Variants in CSNK2A2 observed in about 807,000 individuals in gnomAD.
CSNK2A2 encodes the protein casein kinase 2 alpha 2.
Under a neutral mutation model 54.0 loss-of-function variants are expected in CSNK2A2, and 8 were observed. That is an observed-to-expected ratio of 0.15 (90% confidence interval 0.09 to 0.27). The LOEUF (loss-of-function observed/expected upper bound fraction) is 0.27. Among genes scored for constraint, CSNK2A2 ranks in the 10% least tolerant of loss-of-function variants. The pLI is 1.00. For missense variants in CSNK2A2, 242 were observed against 439.4 expected (o/e 0.55, Z 4.02); for synonymous variants, 141 against 153.9 (o/e 0.92, Z 0.62).
chr16:58,179,261 A>G (rs1372167960), intron 4 of CSNK2A2, among the ~76,000 whole-genome samples: 1 of 152,148 alleles, frequency 6.6e-6, no homozygotes, highest in Non-Finnish European at 1.5e-5. Context: ...GCACTTTGGG[A>G]GGCCAAGGTG....
intron 6 of CSNK2A2, among the ~76,000 whole-genome samples, chr16:58,168,154 G>C (rs1253736093): frequency 6.6e-6 from 1 of 151,918 alleles, no homozygotes; most frequent in Non-Finnish European, 1.5e-5. Flanking sequence ...GAAAGGGCTG[G>C]GGACACACAT....
chr16:58,197,741 G>T lies in CSNK2A2; in HGVS notation c.-5C>A. On this transcript the variant is annotated 5_prime_UTR_variant, in exon 1 of 12. Coordinates refer to ENST00000262506, the MANE Select transcript of CSNK2A2 (RefSeq NM_001896.4). The surrounding 1 kb of genome is among the most constrained non-coding windows in gnomAD (Gnocchi z 4.0). ...GCCCGCGGCCGGGCCGGGCATGGCG[G>T]GCGGGACCGGGGGGCGGCGCGGGGC... 1 of 1,337,412 alleles carries T rather than the reference G, an allele frequency of 7.5e-7. No homozygotes were observed. 82.8% of individuals were successfully genotyped at this position (1,337,412 alleles called of 1,614,324 possible). A position where few individuals can be genotyped will look rare whatever the true frequency, so the allele number is the denominator to read the frequency against.
intron 4 of CSNK2A2, among the ~76,000 whole-genome samples, chr16:58,177,856 G>A (rs1961922121): frequency 6.6e-6 from 1 of 152,148 alleles, no homozygotes; most frequent in Admixed American, 6.5e-5. Flanking sequence ...TTGTTTACAT[G>A]TAACCTCTAA....
At chr16:58,166,120 A>G (rs1275849893) in intron 9 of CSNK2A2, among the ~76,000 whole-genome samples, 2 of 152,220 alleles carry the variant, frequency 1.3e-5, no homozygotes, top group African/African-American at 4.8e-5. Context: ...TTACTTCTCA[A>G]CATTATTGCA....
chr16:58,175,646 T>C (rs1961857804), intron 4 of CSNK2A2, among the ~76,000 whole-genome samples: 1 of 152,234 alleles, frequency 6.6e-6, no homozygotes. Context: ...CTGTCTACCA[T>C]TTTATATTTT....
chr16:58,194,261 C>T (rs780993057), intron 2 of CSNK2A2, among the ~76,000 whole-genome samples: 1 of 152,200 alleles, frequency 6.6e-6, no homozygotes, highest in Non-Finnish European at 1.5e-5. Context: ...TTTCCTATGA[C>T]CAAGCACCAC....
At chr16:58,159,421 A>C (rs984782959) in intron 11 of CSNK2A2, 3 of 152,218 alleles carry the variant, frequency 2.0e-5, no homozygotes, top group Non-Finnish European at 4.4e-5. Flanking sequence ...CCAACAGGAC[A>C]CCACTCTAGC....
intron 2 of CSNK2A2, among the ~76,000 whole-genome samples, chr16:58,188,408 A>T (rs576076178): frequency 2.2e-4 from 34 of 152,344 alleles, no homozygotes; most frequent in Admixed American, 7.2e-4. Flanking sequence ...CAATCTGATT[A>T]AAAAATAGCC....
chr16:58,167,430 A>G, intron 7 of CSNK2A2, 122 bp from the exon 8 acceptor site: 2 of 699,074 alleles, frequency 2.9e-6, no homozygotes, highest in South Asian at 5.4e-5. Context: ...AATTTATTTA[A>G]AAAAAATTTT....
Position 58,197,803 on chromosome 16 carries a change from G to A in CSNK2A2, c.-67C>T, listed in dbSNP as rs905429545. 4.8e-4 allele frequency: 172 copies of A among 359,604 alleles called. No homozygotes were observed. The highest frequency in any genetic ancestry group is 3.8e-3 in the African/African-American group (165 of 43,842). 22.3% of individuals were successfully genotyped at this position (359,604 alleles called of 1,614,324 possible). ...CGGCGGCGGCGCGGCGGGGGACGCG[G>A]GGCGTCGGGCGGAGGAGGCAGCGGG... is the stretch of plus-strand genomic sequence containing the variant. On this transcript the variant is annotated 5_prime_UTR_variant, in exon 1 of 12. Coordinates refer to ENST00000262506, the MANE Select transcript of CSNK2A2 (RefSeq NM_001896.4). This position sits in a 1 kb window ranked among gnomAD's most constrained non-coding sequence, Gnocchi z 4.0.
At chr16:58,167,548 G>GA (rs1961602812) in intron 7 of CSNK2A2, 137 bp downstream of exon 7, 1 of 698,130 alleles carries the variant, frequency 1.4e-6, no homozygotes, top group African/African-American at 1.8e-5. Flanking sequence ...AACTAGCTGA[G>GA]AAAAAACTAA....
At position 58,172,255 on chromosome 16, in the gene CSNK2A2, C is replaced by T. The variant is rs915772611; in HGVS notation, c.429+2196G>A. ...ATACACAAACATCCAAAAGACTGTA[C>T]GTTTAAGATTTATTTACTTCACTTA... On this transcript the variant is annotated intron_variant, in intron 5 of 11. Transcript: ENST00000262506. Among the ~76,000 whole-genome samples, 7 of 151,962 alleles carry T rather than the reference C, an allele frequency of 4.6e-5. No individual in the cohort carries two copies. The East Asian group carries it at 9.6e-4, about 21-fold the overall frequency.
intron 2 of CSNK2A2, among the ~76,000 whole-genome samples, chr16:58,191,133 C>T (rs1462890904): frequency 2.0e-5 from 3 of 152,164 alleles, no homozygotes; most frequent in Admixed American, 6.5e-5. Context: ...AGGATAAATA[C>T]TGTACAATTC....
At chr16:58,190,567 C>T (rs748523360) in intron 2 of CSNK2A2, among the ~76,000 whole-genome samples, 2 of 152,140 alleles carry the variant, frequency 1.3e-5, no homozygotes, top group Non-Finnish European at 2.9e-5. Context: ...GAAAACTTTT[C>T]CTCTAATCTT....
chr16:58,182,374 C>CAAAA (rs71155249), intron 4 of CSNK2A2, among the ~76,000 whole-genome samples: 910 of 25,716 alleles, frequency 0.035, 218 homozygotes, highest in African/African-American at 0.1. Flanking sequence ...CTAAATATAC[C>CAAAA]AAAAAAAAAA....
chr16:58,194,088 C>T (rs556697034), intron 2 of CSNK2A2, among the ~76,000 whole-genome samples: 1 of 152,340 alleles, frequency 6.6e-6, no homozygotes, highest in Admixed American at 6.5e-5. Context: ...ACGTTACTGA[C>T]TACAAAAGTA....
rs1961608374 is a variant in CSNK2A2, at chr16:58,167,761, T to C, written c.548A>G (p.Tyr183Cys). The change falls in exon 7 of 12, where the codon TAT becomes TGT. Residue 183 changes from tyrosine (Y) to cysteine (C), a missense_variant. Physicochemically the swap from Tyr to Cys is radical, Grantham distance 194 (BLOSUM62 -2). Coordinates refer to ENST00000262506, the MANE Select transcript of CSNK2A2 (RefSeq NM_001896.4). ...AACATTGTACTCCTGAGCAGGATGA[T>C]AGAATTCTGCCAGACCCCAATCTAT... ...RLIDWGLAEF[Y>C]HPAQEYNVRV... 2.5e-6 allele frequency: 4 copies of C among 1,613,996 alleles called. No individual in the cohort carries two copies. The highest frequency in any genetic ancestry group is 1.3e-5 in the African/African-American group (1 of 74,914).
intron 5 of CSNK2A2, 109 bp from the exon 6 acceptor site, chr16:58,168,802 G>C (rs1004547291): frequency 8.6e-6 from 7 of 811,756 alleles, no homozygotes; most frequent in Non-Finnish European, 9.9e-6. Context: ...GTCCCCCAAC[G>C]GGCAGCTTGC....
intron 2 of CSNK2A2, 70 bp downstream of exon 2, chr16:58,196,663 G>A (rs1962460707): frequency 9.8e-6 from 9 of 914,672 alleles, no homozygotes; most frequent in East Asian, 2.4e-5. Flanking sequence ...TATAGAATGT[G>A]ACTGGGGTAC....
Sources: gnomAD v4.1 joint callset for allele counts (sites outside exome capture counted in the v4.1 genomes callset) on GRCh38, gnomAD v4.1.1 for gene constraint, Gnocchi (gnomAD v3.1) non-coding constraint, MANE v1.5 for transcripts, NCBI Gene and HGNC (gene_info 2026-07-23, HGNC 2026-07-21) for gene names.